Variants in WLS observed in about 807,000 individuals in gnomAD.
The protein encoded by WLS is Wnt ligand secretion mediator, also known as protein wntless homolog.
A neutral mutation model predicts 62.8 loss-of-function variants in WLS; 23 were observed. The ratio of observed to expected loss-of-function variants is 0.37; its 90% confidence interval spans 0.26 to 0.52. The LOEUF (loss-of-function observed/expected upper bound fraction) is 0.52, where lower values mean the gene tolerates loss of function less well. Among genes scored for constraint, WLS ranks in the 20% least tolerant of loss-of-function variants. WLS has a pLI of 0.92. For synonymous variants in WLS, 246 were observed against 244.1 expected (o/e 1.01, Z -0.07); for missense variants, 615 against 697.3 (o/e 0.88, Z 1.33).
chr1:68,111,970 G>A (rs928470245), intron 11 of WLS, among the ~76,000 whole-genome samples: 2 of 152,236 alleles, frequency 1.3e-5, no homozygotes, highest in Non-Finnish European at 2.9e-5. Flanking sequence ...AACCGTGCAT[G>A]CAGTGCTTTA....
intron 2 of WLS, among the ~76,000 whole-genome samples, chr1:68,183,873 G>T (rs1273006065): frequency 6.6e-6 from 1 of 152,106 alleles, no homozygotes; most frequent in Non-Finnish European, 1.5e-5. Flanking sequence ...TGCTTTCAGT[G>T]TGGGGAAAGA....
At chr1:68,103,065 T>C (rs1646099298) in intron 11 of WLS, among the ~76,000 whole-genome samples, 1 of 152,246 alleles carries the variant, frequency 6.6e-6, no homozygotes. Flanking sequence ...GACCGGAACC[T>C]GCACGTAGGT....
At chr1:68,129,438 T>C (rs1174129894) in intron 11 of WLS, among the ~76,000 whole-genome samples, 2 of 152,238 alleles carry the variant, frequency 1.3e-5, no homozygotes, top group Non-Finnish European at 2.9e-5. Flanking sequence ...ACAGGAGAGC[T>C]GTTATAAATT....
Position 68,232,498 on chromosome 1 carries a change from C to T in WLS, c.-199G>A. On this transcript the variant is annotated 5_prime_UTR_variant, in exon 1 of 12. Transcript: ENST00000262348. ...TCCCCCGGCGCAGCCGGCTCGGGTT[C>T]CCCCAATGCCCGGAGCTGTGATTGT... The T allele has an allele frequency of 8.8e-7, 1 of 1,130,998 alleles. No homozygotes were observed. The highest frequency in any genetic ancestry group is 2.0e-5 in the South Asian group (1 of 49,184). The allele number at this position is 1,130,998 out of a possible 1,614,324, so 70.1% of individuals were successfully genotyped here.
chr1:68,098,860 C>T lies in WLS; in HGVS notation c.1511-107G>A, dbSNP rs896249708. 23 of 1,435,520 alleles carry T rather than the reference C, an allele frequency of 1.6e-5. No individual in the cohort carries two copies. The African/African-American group carries it at 3.3e-4, about 21-fold the overall frequency. The allele number at this position is 1,435,520 out of a possible 1,614,324, so 88.9% of individuals were successfully genotyped here. A position where few individuals can be genotyped will look rare whatever the true frequency, so the allele number is the denominator to read the frequency against. On this transcript the variant is annotated intron_variant, in intron 11 of 11. Coordinates refer to the WLS transcript ENST00000354777. Reference sequence around the variant, plus strand: ...AGGTAACTATAAAAATTTTTACCTACATAAATTTCTAGTGGAGTGTTTGAA... The same window carrying T: ...AGGTAACTATAAAAATTTTTACCTATATAAATTTCTAGTGGAGTGTTTGAA...
At chr1:68,169,772 A>C (rs1647119088) in intron 2 of WLS, among the ~76,000 whole-genome samples, 1 of 152,196 alleles carries the variant, frequency 6.6e-6, no homozygotes, top group Non-Finnish European at 1.5e-5. Flanking sequence ...CAATGCCTTT[A>C]TATTGTCTTC....
chr1:68,120,266 C>T (rs1374747793), intron 11 of WLS, among the ~76,000 whole-genome samples: 1 of 152,196 alleles, frequency 6.6e-6, no homozygotes, highest in Non-Finnish European at 1.5e-5. Flanking sequence ...AGGACCAGAA[C>T]TTACTGAAAA....
chr1:68,224,073 T>C (rs1042181723), intron 1 of WLS, among the ~76,000 whole-genome samples: 24 of 152,202 alleles, frequency 1.6e-4, no homozygotes, highest in Non-Finnish European at 3.2e-4. Flanking sequence ...TTCTTGGAAA[T>C]GTGTATCTGT....
intron 2 of WLS, chr1:68,163,119 C>A: frequency 2.0e-6 from 3 of 1,476,806 alleles, no homozygotes; most frequent in Middle Eastern, 2.4e-4. Flanking sequence ...ACTCTCAGAT[C>A]AAAAGGCAAA....
At chr1:68,188,350 GAA>G (rs1238903192) in intron 2 of WLS, among the ~76,000 whole-genome samples, 1 of 152,180 alleles carries the variant, frequency 6.6e-6, no homozygotes, top group Non-Finnish European at 1.5e-5. Context: ...TTTAGTGGCA[GAA>G]GAATGATACA....
rs138345917 is a variant in WLS at position 68,135,827 on chromosome 1, G to T, written c.1516+1953C>A. Among the ~76,000 whole-genome samples the T allele has an allele frequency of 5.8e-3, 889 of 152,288 alleles. 8 individuals carry two copies. Among genetic ancestry groups the T allele is most frequent in the Non-Finnish European group, 8.2e-3 (558 of 68,026 alleles). On this transcript the variant is annotated intron_variant, in intron 11 of 11. Transcript: ENST00000262348. ...GCTGCTCGTGTTGTGGAAGCCCACT[G>T]CTTGACAGGCTGAATGCTCCCATTT...
rs535830878 is a variant in WLS, at chr1:68,098,916, G to T, written c.1511-163C>A. On this transcript the variant is annotated intron_variant, in intron 11 of 11. Coordinates refer to the WLS transcript ENST00000354777. ...TTTAGGACTGTGTCCTTCATTGTGG[G>T]ACATTTGCAGATTTCTCCCTTGCCC... 5 of 1,081,414 alleles carry T rather than the reference G, an allele frequency of 4.6e-6. No homozygotes were observed. The East Asian group carries it at 1.1e-4, about 24-fold the overall frequency. 67.0% of individuals were successfully genotyped at this position (1,081,414 alleles called of 1,614,324 possible).
At chr1:68,156,620 A>G (rs932479861) in intron 3 of WLS, among the ~76,000 whole-genome samples, 1 of 152,188 alleles carries the variant, frequency 6.6e-6, no homozygotes, top group African/African-American at 2.4e-5. Context: ...AACAGTTTTT[A>G]TCCCTAAGGT....
At chr1:68,227,318 G>A (rs1650190099) in intron 1 of WLS, among the ~76,000 whole-genome samples, 1 of 151,506 alleles carries the variant, frequency 6.6e-6, no homozygotes, top group African/African-American at 2.4e-5. Flanking sequence ...TCGGGAGGCT[G>A]AGGCAGGAGA....
At chr1:68,231,826 G>A (rs761567470) in intron 1 of WLS, 1 of 468,260 alleles carries the variant, frequency 2.1e-6, no homozygotes, top group African/African-American at 2.2e-5. Context: ...GAAGGGAACC[G>A]AGAGGAAAAG....
chr1:68,213,201 A>G (rs1268660658), intron 1 of WLS, among the ~76,000 whole-genome samples: 2 of 152,186 alleles, frequency 1.3e-5, no homozygotes, highest in Admixed American at 1.3e-4. Context: ...CTGTAATCCC[A>G]GCACTTTGGG....
Position 68,148,633 on chromosome 1 carries a change from C to G in WLS, c.1000G>C (p.Gly334Arg). ...ATGGGTCCGACTTGCTTCCAATACC[C>G]TGCGATGTGGTTCCGCTCGTGCTGA... The part of the protein sequence containing the change: ...MDQHERNHIA[G>R]YWKQVGPIAV... Residue 334 changes from glycine (G) to arginine (R), a missense_variant, in exon 7 of 12, where the codon GGG (glycine) becomes CGG (arginine). By Grantham distance (125) the Gly-to-Arg change is moderately radical. Transcript: ENST00000262348. 6.2e-7 allele frequency: 1 copy of G among 1,614,052 alleles called. No homozygotes were observed. Among genetic ancestry groups the G allele is most frequent in the South Asian group, 1.1e-5 (1 of 91,030 alleles).
intron 1 of WLS, among the ~76,000 whole-genome samples, chr1:68,230,317 GA>G (rs1323502997): frequency 9.2e-5 from 14 of 152,088 alleles, no homozygotes; most frequent in Admixed American, 9.2e-4. Context: ...ATTTAATTCT[GA>G]AAGCACAAGG....
At chr1:68,105,625 G>C (rs982106178) in intron 11 of WLS, among the ~76,000 whole-genome samples, 5 of 152,158 alleles carry the variant, frequency 3.3e-5, no homozygotes, top group African/African-American at 9.7e-5. Flanking sequence ...TTTTCTCTCT[G>C]AACTCTGCTC....
Sources: gnomAD v4.1 joint callset for allele counts (sites outside exome capture counted in the v4.1 genomes callset) on GRCh38, gnomAD v4.1.1 for gene constraint, MANE v1.5 for transcripts, NCBI Gene and HGNC (gene_info 2026-07-23, HGNC 2026-07-21) for gene names.